Variants in EN2 observed in about 807,000 individuals in gnomAD.
EN2 encodes homeobox protein engrailed-2.
A neutral mutation model predicts 25.0 loss-of-function variants in EN2; 7 were observed. The ratio of observed to expected loss-of-function variants is 0.28; its 90% CI spans 0.16 to 0.53. The LOEUF is 0.53. Ranked by LOEUF, EN2 falls within the 20% of genes least tolerant of loss-of-function variation. EN2 has a pLI of 0.96. For synonymous variants in EN2, 277 were observed against 243.3 expected (o/e 1.14, Z -1.29); for missense variants, 524 against 501.8 (o/e 1.04, Z -0.42).
intron 1 of EN2, among the ~76,000 whole-genome samples, chr7:155,460,033 C>G (rs764591918): frequency 1.3e-5 from 2 of 152,236 alleles, no homozygotes; most frequent in African/African-American, 2.4e-5. Flanking sequence ...CCCGCTGCCC[C>G]CAAACCCTCA....
At position 155,458,636 on chromosome 7, in the gene EN2, A is replaced by G; in HGVS notation, c.259A>G (p.Thr87Ala). The change falls in exon 1 of 2, where the codon ACC becomes GCC. Residue 87 changes from threonine to alanine, a missense_variant. By Grantham distance (58) the Thr-to-Ala change is moderately conservative. Coordinates refer to ENST00000297375, the MANE Select transcript of EN2 (RefSeq NM_001427.4). ...PEFGRRKDAG[T>A]CCAGAGGGRG... ...GTTCGGCCGGCGAAAGGACGCGGGG[A>G]CCTGCTGTGCGGGCGCGGGAGGAGG... is the stretch of plus-strand genomic sequence containing the variant. The G allele has an allele frequency of 7.0e-7, 1 of 1,436,778 alleles. No homozygotes were observed. The highest frequency in any genetic ancestry group is 9.2e-7 in the Non-Finnish European group (1 of 1,092,558). The allele number at this position is 1,436,778 out of a possible 1,614,324, so 89.0% of individuals were successfully genotyped here.
intron 1 of EN2, among the ~76,000 whole-genome samples, chr7:155,460,227 A>G (rs1403454051): frequency 6.6e-6 from 1 of 152,210 alleles, no homozygotes; most frequent in African/African-American, 2.4e-5. Flanking sequence ...CAGGCTCACA[A>G]TGCCGGGCGA....
intron 1 of EN2, 70 bp downstream of exon 1, chr7:155,459,132 C>T: frequency 6.9e-7 from 1 of 1,445,400 alleles, no homozygotes; most frequent in Admixed American, 2.6e-5. Context: ...GCGGTGCTGG[C>T]GCGGGAACTT....
Position 155,461,450 on chromosome 7 carries a change from T to C in EN2, c.686-921T>C, listed in dbSNP as rs1861973. Among the ~76,000 whole-genome samples, 110,683 of 152,114 alleles carry C rather than the reference T, an allele frequency of 0.73. 40,464 individuals are homozygous for C. Among genetic ancestry groups the C allele is most frequent in the East Asian group, 0.94 (4,836 of 5,148 alleles). On this transcript the variant is annotated intron_variant, in intron 1 of 1. Transcript: ENST00000297375. ...TCCTAGAAGCCTTACAGCGACCCTG[T>C]CCAAAACCTGGGGCAGGTCCACAGG...
chr7:155,462,754 G>A lies in EN2; in HGVS notation c.*67G>A. ...ATGCAATAATTTAAAATCATAAAGGGCCAGTGTATAAAGATTATACCAGCA... is the reference window on the plus strand; with the variant it reads ...ATGCAATAATTTAAAATCATAAAGGACCAGTGTATAAAGATTATACCAGCA... On this transcript the variant is annotated 3_prime_UTR_variant, in exon 2 of 2. Transcript: ENST00000297375. 1 of 1,462,556 alleles carries A rather than the reference G, an allele frequency of 6.8e-7. No homozygotes were observed. Among genetic ancestry groups the A allele is most frequent in the Non-Finnish European group, 9.1e-7 (1 of 1,093,602 alleles). 90.6% of individuals were successfully genotyped at this position (1,462,556 alleles called of 1,614,324 possible). A position where few individuals can be genotyped will look rare whatever the true frequency, so the allele number is the denominator to read the frequency against.
chr7:155,459,083 C>A, intron 1 of EN2, 21 bp downstream of exon 1: 2 of 1,547,882 alleles, frequency 1.3e-6, no homozygotes, highest in Middle Eastern at 1.7e-4. Flanking sequence ...GGGGACCACG[C>A]GTCCCGGCTC....
rs1795649050 is a variant in EN2, at chr7:155,458,258, C to A, written c.-120C>A. On this transcript the variant is annotated 5_prime_UTR_variant, in exon 1 of 2. Transcript: ENST00000297375. Reference sequence around the variant, plus strand: ...CAGCCCTGGCCGCGGCCGCCGCGCACGCCCTCGGAAGACTCGGCGGGGTGG... The same window carrying A: ...CAGCCCTGGCCGCGGCCGCCGCGCAAGCCCTCGGAAGACTCGGCGGGGTGG... The A allele has an allele frequency of 8.2e-7, 1 of 1,221,794 alleles. No homozygotes were observed. Among genetic ancestry groups the A allele is most frequent in the Admixed American group, 4.2e-5 (1 of 23,544 alleles). The allele number at this position is 1,221,794 out of a possible 1,614,324, so 75.7% of individuals were successfully genotyped here.
In EN2 at chr7:155,458,497, G is replaced by C; in HGVS notation, c.120G>C (p.Ala40=). ...GGGGGSSPGE[A]DTGRRRALML... is the part of the protein sequence containing the mutation. ...GCGGCGGTAGCAGCCCGGGCGAAGC[G>C]GACACCGGGCGCCGGCGGGCTCTGA... The change falls in exon 1 of 2, where the codon GCG becomes GCC. Residue 40 remains alanine, a synonymous_variant. Transcript: ENST00000297375. The C allele has an allele frequency of 7.6e-7, 1 of 1,314,876 alleles. No homozygotes were observed. The highest frequency in any genetic ancestry group is 2.5e-5 in the South Asian group (1 of 40,554). 81.5% of individuals were successfully genotyped at this position (1,314,876 alleles called of 1,614,324 possible).
intron 1 of EN2, among the ~76,000 whole-genome samples, chr7:155,459,264 G>A (rs920551780): frequency 7.2e-5 from 11 of 152,320 alleles, no homozygotes; most frequent in Admixed American, 5.9e-4. Context: ...TGATTCGCTA[G>A]GGGGTACAGA....
chr7:155,460,308 A>G (rs1472913403), intron 1 of EN2, among the ~76,000 whole-genome samples: 2 of 152,180 alleles, frequency 1.3e-5, no homozygotes, highest in Non-Finnish European at 2.9e-5. Context: ...GGAGCTGGGC[A>G]GCACCGCCCG....
At chr7:155,460,033 C>T (rs764591918) in intron 1 of EN2, among the ~76,000 whole-genome samples, 56 of 152,354 alleles carry the variant, frequency 3.7e-4, no homozygotes, top group Middle Eastern at 3.4e-3. Flanking sequence ...CCCGCTGCCC[C>T]CAAACCCTCA....
At chr7:155,461,869 T>G (rs894942132) in intron 1 of EN2, among the ~76,000 whole-genome samples, 1 of 152,138 alleles carries the variant, frequency 6.6e-6, no homozygotes, top group Non-Finnish European at 1.5e-5. Flanking sequence ...TGCCCCTGAT[T>G]CCCACAGCCC....
At chr7:155,461,510 C>T (rs1001226661) in intron 1 of EN2, among the ~76,000 whole-genome samples, 1 of 152,224 alleles carries the variant, frequency 6.6e-6, no homozygotes, top group Non-Finnish European at 1.5e-5. Flanking sequence ...GTCTGAATCC[C>T]AGTTGGGAGG....
At position 155,462,223 on chromosome 7, in the gene EN2, G is replaced by A. The variant is rs150766156; in HGVS notation, c.686-148G>A. 1.5e-4 allele frequency: 129 copies of A among 866,216 alleles called. No individual in the cohort carries two copies. The Middle Eastern group carries it at 2.0e-3, about 14-fold the overall frequency. The allele number at this position is 866,216 out of a possible 1,614,324, so 53.7% of individuals were successfully genotyped here. On this transcript the variant is annotated intron_variant, in intron 1 of 1. Transcript: ENST00000297375. Reference sequence around the variant, plus strand: ...TCCGCGTTGAGCCCATGCCCAGTCCGAAGTCTAGCCCCACATCTGGCGGTT... The same window carrying A: ...TCCGCGTTGAGCCCATGCCCAGTCCAAAGTCTAGCCCCACATCTGGCGGTT...
In EN2 at chr7:155,458,604, G is replaced by T; in HGVS notation, c.227G>T (p.Arg76Leu). 6.8e-7 allele frequency: 1 copy of T among 1,473,544 alleles called. No homozygotes were observed. The highest frequency in any genetic ancestry group is 9.0e-7 in the Non-Finnish European group (1 of 1,110,614). The allele number at this position is 1,473,544 out of a possible 1,614,324, so 91.3% of individuals were successfully genotyped here. The change falls in exon 1 of 2, where the codon CGG (arginine) becomes CTG (leucine). Residue 76 changes from arginine (R) to leucine (L), a missense_variant. By Grantham distance (102) the Arg-to-Leu change is moderately radical. Coordinates refer to ENST00000297375, the MANE Select transcript of EN2 (RefSeq NM_001427.4). ...ITNFFIDNIL[R>L]PEFGRRKDAG... Reference sequence around the variant, plus strand: ...AACTTCTTCATCGACAACATCCTGCGGCCCGAGTTCGGCCGGCGAAAGGAC... The same window carrying T: ...AACTTCTTCATCGACAACATCCTGCTGCCCGAGTTCGGCCGGCGAAAGGAC...
Position 155,458,918 on chromosome 7 carries a change from C to T in EN2, c.541C>T (p.Leu181Phe), listed in dbSNP as rs745936826. Residue 181 changes from leucine to phenylalanine, a missense_variant, in exon 1 of 2, where the codon CTC becomes TTC. Coordinates refer to ENST00000297375, the MANE Select transcript of EN2 (RefSeq NM_001427.4). ...CCCCGGCGGCCCCCTGGACGGGTCG[C>T]TCAAGGCCCGCGGCTTGGGCGGCGG... Reference protein sequence around the residue: ...GDPGGPLDGSLKARGLGGGDL... With the variant: ...GDPGGPLDGSFKARGLGGGDL... 1 of 1,515,926 alleles carries T rather than the reference C, an allele frequency of 6.6e-7. No homozygotes were observed. 93.9% of individuals were successfully genotyped at this position (1,515,926 alleles called of 1,614,324 possible). A position where few individuals can be genotyped will look rare whatever the true frequency, so the allele number is the denominator to read the frequency against.
chr7:155,462,360 T>C lies in EN2; in HGVS notation c.686-11T>C. The C allele has an allele frequency of 6.2e-7, 1 of 1,601,048 alleles. No homozygotes were observed. Among genetic ancestry groups the C allele is most frequent in the Non-Finnish European group, 8.5e-7 (1 of 1,174,738 alleles). ...TAACCTGACTTCTCTCTGTCCACCG[T>C]ATCTACCCAGGTCCCAGGTCTCGAA... On this transcript the variant is annotated splice_polypyrimidine_tract_variant and intron_variant, in intron 1 of 1. Transcript: ENST00000297375.
chr7:155,462,696 G>T lies in EN2; in HGVS notation c.*9G>T. ...AGTCGGACAGCGAGTAGGGCGGGGG[G>T]CATGGAGGCCAGGTCTCAGTCCGCG... On this transcript the variant is annotated 3_prime_UTR_variant, in exon 2 of 2. Transcript: ENST00000297375. 1.9e-6 allele frequency: 3 copies of T among 1,561,398 alleles called. No individual in the cohort carries two copies. Among genetic ancestry groups the T allele is most frequent in the Non-Finnish European group, 2.6e-6 (3 of 1,151,166 alleles).
In EN2 at chr7:155,462,652, A is replaced by G. The variant is rs1194255458; in HGVS notation, c.967A>G (p.Thr323Ala). 1.2e-6 allele frequency: 2 copies of G among 1,603,484 alleles called. No individual in the cohort carries two copies. Among genetic ancestry groups the G allele is most frequent in the South Asian group, 1.1e-5 (1 of 90,046 alleles). ...LMAQGLYNHS[T>A]TAKEGKSDSE ...GGCACAGGGCTTGTACAACCACTCC[A>G]CCACAGCCAAGGAGGGCAAGTCGGA... Residue 323 changes from threonine to alanine, a missense_variant, in exon 2 of 2, where the codon ACC (threonine) becomes GCC (alanine). By Grantham distance (58) the Thr-to-Ala change is moderately conservative. Transcript: ENST00000297375.
Sources: gnomAD v4.1 joint callset for allele counts (sites outside exome capture counted in the v4.1 genomes callset) on GRCh38, gnomAD v4.1.1 for gene constraint, MANE v1.5 for transcripts, NCBI Gene and HGNC (gene_info 2026-07-23, HGNC 2026-07-21) for gene names.